Variants in PSD2 observed in about 807,000 individuals in gnomAD.
PSD2 encodes the protein PH and SEC7 domain-containing protein 2.
In PSD2, 38 loss-of-function variants were observed where a neutral mutation model predicts 69.8. That is an observed-to-expected ratio of 0.54 (90% CI 0.42 to 0.71). PSD2 has a LOEUF of 0.71. PSD2 is among the 30% of genes least tolerant of loss of function. PSD2 has a pLI of 0.00. For synonymous variants in PSD2, 412 were observed against 423.0 expected (o/e 0.97, Z 0.32); for missense variants, 943 against 1,014.5 (o/e 0.93, Z 0.96).
the PSD2 span, among the ~76,000 whole-genome samples, chr5:139,759,058 C>T: frequency 6.6e-6 from 1 of 151,990 alleles, no homozygotes; most frequent in Non-Finnish European, 1.5e-5. Flanking sequence ...AAGGGGAGAT[C>T]TAGGGGTGGT....
chr5:139,744,013 A>G, the PSD2 span, among the ~76,000 whole-genome samples: 8 of 152,296 alleles, frequency 5.3e-5, no homozygotes, highest in Admixed American at 5.2e-4. Context: ...TTTCCTCATC[A>G]GAACAATGGG....
intron 7 of PSD2, among the ~76,000 whole-genome samples, chr5:139,828,477 T>C (rs1485216136): frequency 6.6e-6 from 1 of 152,202 alleles, no homozygotes; most frequent in Non-Finnish European, 1.5e-5. Flanking sequence ...TTGGATGCTA[T>C]CCTGAGGTCT....
At chr5:139,812,985 C>A (rs1760010248) in intron 2 of PSD2, among the ~76,000 whole-genome samples, 1 of 152,194 alleles carries the variant, frequency 6.6e-6, no homozygotes, top group Non-Finnish European at 1.5e-5. Context: ...CCAAGCAGGG[C>A]CTAGGGCAGC....
intron 6 of PSD2, 86 bp from the exon 7 acceptor site, chr5:139,822,640 A>T: frequency 8.0e-7 from 1 of 1,246,180 alleles, no homozygotes; most frequent in Non-Finnish European, 1.1e-6. Context: ...CTCTGTGTCC[A>T]AGGTCTCCTG....
chr5:139,753,201 T>C, the PSD2 span, among the ~76,000 whole-genome samples: 1 of 152,198 alleles, frequency 6.6e-6, no homozygotes, highest in Non-Finnish European at 1.5e-5. Flanking sequence ...ACGTGCTTCC[T>C]GAGCTGCAGC....
At chr5:139,742,916 A>T in the PSD2 span, among the ~76,000 whole-genome samples, 6 of 152,304 alleles carry the variant, frequency 3.9e-5, no homozygotes, top group East Asian at 1.2e-3. Context: ...CAGTCCCTTA[A>T]GGGCTGGTTG....
the PSD2 span, among the ~76,000 whole-genome samples, chr5:139,784,358 T>C: frequency 2.1e-4 from 32 of 152,114 alleles, no homozygotes; most frequent in African/African-American, 7.5e-4. Context: ...CCACCCAGAC[T>C]TTTCTGTCTG....
the PSD2 span, among the ~76,000 whole-genome samples, chr5:139,786,592 T>C: frequency 2.6e-5 from 4 of 152,068 alleles, 1 homozygote; most frequent in Admixed American, 2.6e-4. Flanking sequence ...ATGTGGTGGA[T>C]CACCTGCGGC....
chr5:139,787,521 A>G, the PSD2 span, among the ~76,000 whole-genome samples: 1 of 152,258 alleles, frequency 6.6e-6, no homozygotes. Flanking sequence ...AGCCTGGCTC[A>G]CAGAACACTC....
the PSD2 span, among the ~76,000 whole-genome samples, chr5:139,784,227 A>G: frequency 6.6e-6 from 1 of 151,906 alleles, no homozygotes; most frequent in Non-Finnish European, 1.5e-5. Context: ...GGTGTGAGCC[A>G]TTGCGCTGGC....
At chr5:139,819,195 G>A (rs1428114721) in intron 5 of PSD2, among the ~76,000 whole-genome samples, 1 of 152,238 alleles carries the variant, frequency 6.6e-6, no homozygotes, top group Non-Finnish European at 1.5e-5. Flanking sequence ...TCCTTTGCTA[G>A]GCAGTTAGAA....
the PSD2 span, among the ~76,000 whole-genome samples, chr5:139,744,312 G>A: frequency 1.3e-5 from 2 of 152,106 alleles, no homozygotes; most frequent in Non-Finnish European, 2.9e-5. Flanking sequence ...CCAGGGAATG[G>A]TCTCCACTCC....
intron 12 of PSD2, 81 bp from the exon 13 acceptor site, chr5:139,838,547 C>T: frequency 6.7e-7 from 1 of 1,500,180 alleles, no homozygotes; most frequent in Non-Finnish European, 9.2e-7. Flanking sequence ...GTGCCAGGCC[C>T]AGTGCTGGGT....
chr5:139,800,468 C>T (rs1057478723), intron 1 of PSD2, among the ~76,000 whole-genome samples: 11 of 152,108 alleles, frequency 7.2e-5, no homozygotes, highest in African/African-American at 2.4e-4. Flanking sequence ...CACTATGTTG[C>T]CAGAGCTGGT....
chr5:139,754,473 G>A, the PSD2 span, among the ~76,000 whole-genome samples: 833 of 151,792 alleles, frequency 5.5e-3, 5 homozygotes, highest in African/African-American at 0.017. Context: ...TGGACAGATC[G>A]CTTGAGCTCA....
At chr5:139,785,051 G>C in the PSD2 span, among the ~76,000 whole-genome samples, 25 of 151,862 alleles carry the variant, frequency 1.6e-4, no homozygotes, top group African/African-American at 5.8e-4. Flanking sequence ...GAGCCACCTC[G>C]CCCAGCCTAC....
chr5:139,762,679 T>C, the PSD2 span, among the ~76,000 whole-genome samples: 42 of 152,204 alleles, frequency 2.8e-4, no homozygotes, highest in East Asian at 6.8e-3. Context: ...TTTTAGCGTG[T>C]CCAAGAGAGG....
the PSD2 span, among the ~76,000 whole-genome samples, chr5:139,753,931 G>C: frequency 2.1e-4 from 32 of 152,134 alleles, no homozygotes; most frequent in Middle Eastern, 0.01. Context: ...CCGCCTCCCA[G>C]GTTCAAGCGA....
In PSD2 at chr5:139,837,018, G is replaced by C; in HGVS notation, c.1594+17G>C. On this transcript the variant is annotated intron_variant, in intron 10 of 14. Coordinates refer to ENST00000274710, the MANE Select transcript of PSD2 (RefSeq NM_032289.4). The surrounding 1 kb of genome is among the most constrained non-coding windows in gnomAD (Gnocchi z 5.0). ...GCAAGAGGAGTGGGTGTCAGGCTGG[G>C]AGAGGGGCATGGGAGGGAGGCTGGC... 6.2e-7 allele frequency: 1 copy of C among 1,608,352 alleles called. No individual in the cohort carries two copies. The highest frequency in any genetic ancestry group is 8.5e-7 in the Non-Finnish European group (1 of 1,176,120).
Sources: allele counts gnomAD v4.1 joint callset (sites outside exome capture counted in the v4.1 genomes callset), GRCh38; gene constraint gnomAD v4.1.1; non-coding constraint Gnocchi (gnomAD v3.1); transcripts MANE v1.5; gene names NCBI Gene and HGNC (gene_info 2026-07-23, HGNC 2026-07-21).